PACRG: variants seen among roughly 807,000 people sequenced by gnomAD.
PACRG encodes the protein parkin coregulated, also known as parkin coregulated gene protein.
In PACRG, 29 loss-of-function variants were observed where a neutral mutation model predicts 29.7. That is an observed-to-expected ratio of 0.98 (90% CI 0.73 to 1.33). PACRG has a LOEUF of 1.33. Among genes scored for constraint, PACRG ranks in the 40% most tolerant of loss-of-function variants. PACRG has a pLI of 0.00. For synonymous variants in PACRG, 116 were observed against 118.7 expected (o/e 0.98, Z 0.15); for missense variants, 279 against 316.2 (o/e 0.88, Z 0.89).
At chr6:163,081,050 T>C (rs1302790366) in intron 3 of PACRG, among the ~76,000 whole-genome samples, 1 of 152,168 alleles carries the variant, frequency 6.6e-6, no homozygotes, top group Non-Finnish European at 1.5e-5. Context: ...TATATAGCAA[T>C]TGAGCTCTGT....
chr6:162,758,895 A>G (rs1231334083), intron 1 of PACRG, among the ~76,000 whole-genome samples: 1 of 152,202 alleles, frequency 6.6e-6, no homozygotes, highest in Non-Finnish European at 1.5e-5. Context: ...TTGAACATGA[A>G]TAATATTTAA....
chr6:163,119,504 A>G (rs1816168664), intron 4 of PACRG, among the ~76,000 whole-genome samples: 1 of 152,194 alleles, frequency 6.6e-6, no homozygotes, highest in Admixed American at 6.5e-5. Context: ...GGAGAGAAGA[A>G]GCCCCAGCAG....
chr6:163,137,353 C>G, intron 4 of PACRG, among the ~76,000 whole-genome samples: 1 of 152,074 alleles, frequency 6.6e-6, no homozygotes, highest in Non-Finnish European at 1.5e-5. Flanking sequence ...AACACTGCAA[C>G]TCCCTGCCCT....
chr6:162,832,241 C>T (rs1215278283), intron 2 of PACRG, among the ~76,000 whole-genome samples: 1 of 152,160 alleles, frequency 6.6e-6, no homozygotes, highest in East Asian at 1.9e-4. Flanking sequence ...TTTTGATTTG[C>T]ATTTCTCTAA....
chr6:163,037,039 T>C (rs1235246031), intron 2 of PACRG, among the ~76,000 whole-genome samples: 1 of 152,190 alleles, frequency 6.6e-6, no homozygotes, highest in Non-Finnish European at 1.5e-5. Context: ...TGTGCATGCA[T>C]GTGTGTACAT....
intron 2 of PACRG, among the ~76,000 whole-genome samples, chr6:162,949,470 T>C (rs1294369273): frequency 6.6e-6 from 1 of 152,068 alleles, no homozygotes; most frequent in Non-Finnish European, 1.5e-5. Flanking sequence ...TTAATAACGG[T>C]GTATTGTATA....
At chr6:163,237,711 T>C (rs1051495848) in intron 4 of PACRG, among the ~76,000 whole-genome samples, 7 of 152,204 alleles carry the variant, frequency 4.6e-5, no homozygotes, top group African/African-American at 1.4e-4. Flanking sequence ...TAGTGTAAGG[T>C]CACAAATTAA....
At chr6:162,916,384 CTG>C (rs1035167987) in intron 2 of PACRG, among the ~76,000 whole-genome samples, 8 of 152,202 alleles carry the variant, frequency 5.3e-5, no homozygotes, top group African/African-American at 1.9e-4. Flanking sequence ...AAGTTATCCT[CTG>C]TGTGATATGT....
intron 3 of PACRG, among the ~76,000 whole-genome samples, chr6:163,063,459 C>T (rs1811263411): frequency 1.3e-5 from 2 of 152,192 alleles, no homozygotes; most frequent in Admixed American, 1.3e-4. Context: ...TTGCCGTGTG[C>T]TTTCATCAGA....
chr6:163,007,387 C>T (rs1805217235), intron 2 of PACRG, among the ~76,000 whole-genome samples: 1 of 152,172 alleles, frequency 6.6e-6, no homozygotes, highest in Admixed American at 6.5e-5. Flanking sequence ...TAGCTCCAGA[C>T]TTTCATCTGG....
At chr6:163,301,541 A>G (rs1031292384) in intron 4 of PACRG, among the ~76,000 whole-genome samples, 1 of 152,216 alleles carries the variant, frequency 6.6e-6, no homozygotes, top group Non-Finnish European at 1.5e-5. Context: ...GAGTCCAGAT[A>G]ACAATGTCCT....
chr6:163,195,339 C>T (rs1258116329), intron 4 of PACRG, among the ~76,000 whole-genome samples: 1 of 152,160 alleles, frequency 6.6e-6, no homozygotes, highest in African/African-American at 2.4e-5. Context: ...AAAGAGAGTG[C>T]TGCCAAAGAG....
At chr6:162,978,412 C>T (rs995281276) in intron 2 of PACRG, among the ~76,000 whole-genome samples, 2 of 152,034 alleles carry the variant, frequency 1.3e-5, no homozygotes, top group Admixed American at 6.6e-5. Flanking sequence ...AAAAGAAATA[C>T]ATCTCTCTCT....
rs1385577738 is a variant in PACRG at position 162,728,010 on chromosome 6, T to C, written c.-226T>C. The C allele has an allele frequency of 1.6e-6, 1 of 643,418 alleles. No individual in the cohort carries two copies. The highest frequency in any genetic ancestry group is 2.7e-6 in the Non-Finnish European group (1 of 367,078). 39.9% of individuals were successfully genotyped at this position (643,418 alleles called of 1,614,324 possible). A position where few individuals can be genotyped will look rare whatever the true frequency, so the allele number is the denominator to read the frequency against. Reference sequence around the variant, plus strand: ...GGGAGGCTTACCTTTGGAAGCTTGTTGCAGCTCTAGCCAAGGTCCTGCCCT... The same window carrying C: ...GGGAGGCTTACCTTTGGAAGCTTGTCGCAGCTCTAGCCAAGGTCCTGCCCT... On this transcript the variant is annotated 5_prime_UTR_variant, in exon 1 of 5. Coordinates refer to ENST00000366888, the MANE Select transcript of PACRG (RefSeq NM_001080379.2).
chr6:162,790,526 A>G (rs1238691429), intron 1 of PACRG, among the ~76,000 whole-genome samples: 1 of 152,116 alleles, frequency 6.6e-6, no homozygotes, highest in African/African-American at 2.4e-5. Context: ...ATATATATAT[A>G]TATATTGCTT....
At chr6:162,743,806 T>C (rs1008041070) in intron 1 of PACRG, among the ~76,000 whole-genome samples, 1 of 152,150 alleles carries the variant, frequency 6.6e-6, no homozygotes, top group Admixed American at 6.5e-5. Flanking sequence ...CCACAATCAA[T>C]TTTGAAACAT....
chr6:163,151,669 G>A (rs894381258), intron 4 of PACRG, among the ~76,000 whole-genome samples: 24 of 152,188 alleles, frequency 1.6e-4, no homozygotes, highest in Non-Finnish European at 2.9e-4. Context: ...CAGTAAGCAT[G>A]AATTCAGCCA....
At chr6:163,021,700 G>A (rs944126432) in intron 2 of PACRG, among the ~76,000 whole-genome samples, 11 of 151,930 alleles carry the variant, frequency 7.2e-5, no homozygotes, top group Non-Finnish European at 1.3e-4. Flanking sequence ...CTCATCTCTC[G>A]CTGTTGCCCC....
chr6:163,230,158 A>G (rs544825647), intron 4 of PACRG, among the ~76,000 whole-genome samples: 3 of 152,302 alleles, frequency 2.0e-5, no homozygotes, highest in East Asian at 3.9e-4. Flanking sequence ...ACCATGCATT[A>G]CAGTTTTTAA....
Sources: gnomAD v4.1 joint callset for allele counts (sites outside exome capture counted in the v4.1 genomes callset) on GRCh38, gnomAD v4.1.1 for gene constraint, MANE v1.5 for transcripts, NCBI Gene and HGNC (gene_info 2026-07-23, HGNC 2026-07-21) for gene names.